The following EIF4ENIF1 variants were observed in gnomAD, a reference collection of about 807,000 sequenced individuals.
EIF4ENIF1 encodes eukaryotic translation initiation factor 4E nuclear import factor 1, also known as eukaryotic translation initiation factor 4E transporter.
A neutral mutation model predicts 110.5 loss-of-function variants in EIF4ENIF1; 23 were observed. The ratio of observed to expected loss-of-function variants is 0.21; its 90% confidence interval spans 0.15 to 0.29. EIF4ENIF1 has a LOEUF of 0.29. Ranked by LOEUF, EIF4ENIF1 falls within the 10% of genes least tolerant of loss-of-function variation. The probability of loss-of-function intolerance (pLI) is 1.00; values close to 1 mark genes in which losing one functional copy is unlikely to be tolerated. For synonymous variants in EIF4ENIF1, 440 were observed against 437.0 expected (o/e 1.01, Z -0.09); for missense variants, 1,031 against 1,221.1 (o/e 0.84, Z 2.32).
chr22:31,445,180 C>T (rs752824960), intron 14 of EIF4ENIF1, among the ~76,000 whole-genome samples: 6 of 152,148 alleles, frequency 3.9e-5, no homozygotes, highest in Admixed American at 1.3e-4. Flanking sequence ...CAGTGAGGTG[C>T]GCTAGGGAGG....
intron 2 of EIF4ENIF1, among the ~76,000 whole-genome samples, chr22:31,472,563 C>T (rs905278347): frequency 3.3e-5 from 5 of 152,008 alleles, no homozygotes; most frequent in Non-Finnish European, 5.9e-5. Flanking sequence ...GCAACCGGGC[C>T]GGGGGGCGAT....
upstream of EIF4ENIF1, among the ~76,000 whole-genome samples, chr22:31,490,104 G>A (rs567534115): frequency 1.3e-5 from 2 of 152,304 alleles, no homozygotes; most frequent in South Asian, 4.1e-4. Flanking sequence ...GGCGGTCGCC[G>A]TGGGCAGCCC....
Position 31,449,393 on chromosome 22 carries a change from C to T in EIF4ENIF1, c.1723G>A (p.Ala575Thr), listed in dbSNP as rs1421175021. 1 of 1,614,116 alleles carries T rather than the reference C, an allele frequency of 6.2e-7. No homozygotes were observed. Among genetic ancestry groups the T allele is most frequent in the Non-Finnish European group, 8.5e-7 (1 of 1,180,010 alleles). ...GGGCGAAGGTAGTCAGCTGAGGCTG[C>T]TCGAGTTTGAAACACCTGTGACAAG... ...PPLSQVFQTR[A>T]ASADYLRPRI... Residue 575 changes from alanine to threonine, a missense_variant, in exon 12 of 19, where the codon GCA becomes ACA. Around this residue, in one of 3 missense-constraint regions of EIF4ENIF1, gnomAD observed 704 missense variants for 879.7 expected, o/e 0.80. Transcript: ENST00000330125.
At position 31,463,798 on chromosome 22, in the gene EIF4ENIF1, G is replaced by T. The variant is rs143072949; in HGVS notation, c.468C>A (p.Gly156=). 1,932 of 1,613,880 alleles carry T rather than the reference G, an allele frequency of 1.2e-3. 23 individuals are homozygous for T. The African/African-American group carries it at 0.019, about 15-fold the overall frequency. The change falls in exon 5 of 19, where the codon GGC becomes GGA. Residue 156 remains glycine (G), a synonymous_variant. Coordinates refer to ENST00000330125, the MANE Select transcript of EIF4ENIF1 (RefSeq NM_019843.4). ...GLRLLGGRRI[G]SGRIISARTF... ...TCCGGGCAGAGATTATCCTCCCACT[G>T]CCAATCCTACGTCCACCAAGCAGAC...
chr22:31,453,565 G>A (rs534712663), intron 10 of EIF4ENIF1, among the ~76,000 whole-genome samples: 1 of 151,918 alleles, frequency 6.6e-6, no homozygotes, highest in East Asian at 1.9e-4. Flanking sequence ...TAGAGATGGC[G>A]TTTCACCATG....
intron 2 of EIF4ENIF1, among the ~76,000 whole-genome samples, chr22:31,475,721 TAAA>T (rs11089509): frequency 7.5e-6 from 1 of 133,864 alleles, no homozygotes; most frequent in Non-Finnish European, 1.6e-5. Context: ...AGACTCCGTT[TAAA>T]AAAAAAAAAA....
intron 9 of EIF4ENIF1, among the ~76,000 whole-genome samples, chr22:31,454,722 T>C (rs1047354457): frequency 6.6e-6 from 1 of 152,156 alleles, no homozygotes; most frequent in Admixed American, 6.5e-5. Context: ...TAGCCCAACA[T>C]TGCCAAGATT....
At chr22:31,438,663 T>C (rs1277269891), downstream of EIF4ENIF1, among the ~76,000 whole-genome samples, 1 of 152,020 alleles carries the variant, frequency 6.6e-6, no homozygotes, top group African/African-American at 2.4e-5. Flanking sequence ...CCTGTTGGGG[T>C]CTTTAAAGCT....
In EIF4ENIF1 at chr22:31,440,095, G is replaced by A. The variant is rs572102616; in HGVS notation, c.2743C>T (p.His915Tyr). 6 of 1,614,168 alleles carry A rather than the reference G, an allele frequency of 3.7e-6. No individual in the cohort carries two copies. Among genetic ancestry groups the A allele is most frequent in the African/African-American group, 1.3e-5 (1 of 75,048 alleles). Residue 915 changes from histidine to tyrosine, a missense_variant, in exon 19 of 19, where the codon CAT becomes TAT. Transcript: ENST00000330125. ...SVLHPPGSGSHAAAVSVQTTP... is the reference protein window; with the variant it reads ...SVLHPPGSGSYAAAVSVQTTP... ...GTCTGAACGCTGACAGCTGCTGCAT[G>A]GGAACCAGAGCCTGGAGGATGCAGA...
At chr22:31,450,753 C>T (rs2050623662) in intron 10 of EIF4ENIF1, 1 of 265,718 alleles carries the variant, frequency 3.8e-6, no homozygotes, top group Non-Finnish European at 7.4e-6. Context: ...CATATATACA[C>T]ACATACATAT....
At chr22:31,472,413 C>T (rs2051412368) in intron 2 of EIF4ENIF1, among the ~76,000 whole-genome samples, 1 of 152,042 alleles carries the variant, frequency 6.6e-6, no homozygotes, top group Admixed American at 6.6e-5. Context: ...GAATTACAGG[C>T]ACACGCCACC....
intron 7 of EIF4ENIF1, 33 bp downstream of exon 7, chr22:31,458,442 C>A (rs1444936256): frequency 7.4e-7 from 1 of 1,349,162 alleles, no homozygotes; most frequent in Non-Finnish European, 9.6e-7. Flanking sequence ...TCAAATTTAA[C>A]CACACATTTT....
In EIF4ENIF1 at chr22:31,451,489, T is replaced by C. The variant is rs2050673536; in HGVS notation, c.1513-1129A>G. On this transcript the variant is annotated intron_variant, in intron 10 of 18. Coordinates refer to ENST00000330125, the MANE Select transcript of EIF4ENIF1 (RefSeq NM_019843.4). ...CGGGGTTTCACCATGTTGGCCAGGA[T>C]GGTCTCGATCTCCTGACCTCGTGAT... Among the ~76,000 whole-genome samples, 2 of 151,492 alleles carry C rather than the reference T, an allele frequency of 1.3e-5. 1 individual carries two copies. The highest frequency in any genetic ancestry group is 4.2e-4 in the South Asian group (2 of 4,780).
rs761626630 is a variant in EIF4ENIF1 at position 31,471,914 on chromosome 22, C to T, written c.100G>A (p.Glu34Lys). The T allele has an allele frequency of 1.0e-5, 16 of 1,595,322 alleles. No homozygotes were observed. Among genetic ancestry groups the T allele is most frequent in the Non-Finnish European group, 1.4e-5 (16 of 1,175,298 alleles). Residue 34 changes from glutamate (E) to lysine (K), a missense_variant, in exon 3 of 19, where the codon GAA (glutamate) becomes AAA (lysine). Glu to Lys is a moderately conservative substitution (Grantham distance 56, BLOSUM62 1). Transcript: ENST00000330125. ...SKCPHRYTKE[E>K]LLDIKELPHS... ...GGGAGTTCTTTTATATCCAAGAGTT[C>T]TTCCTAAAAAGAGAAGTCAAATAGT...
chr22:31,440,142 A>G, intron 18 of EIF4ENIF1, 21 bp from the exon 19 acceptor site: 2 of 1,614,076 alleles, frequency 1.2e-6, no homozygotes, highest in Non-Finnish European at 1.7e-6. Flanking sequence ...AAGAAGGGTT[A>G]TCATTCACAG....
At chr22:31,471,107 T>C (rs1403732549) in intron 3 of EIF4ENIF1, among the ~76,000 whole-genome samples, 2 of 151,942 alleles carry the variant, frequency 1.3e-5, no homozygotes, top group Admixed American at 6.6e-5. Flanking sequence ...TTTTTAGCTA[T>C]AGTCTTCCCA....
At chr22:31,466,877 T>G (rs1203051267) in intron 4 of EIF4ENIF1, among the ~76,000 whole-genome samples, 1 of 152,158 alleles carries the variant, frequency 6.6e-6, no homozygotes, top group East Asian at 1.9e-4. Flanking sequence ...ACCAGGAAAC[T>G]GAAGATTAGT....
intron 7 of EIF4ENIF1, among the ~76,000 whole-genome samples, chr22:31,457,269 CTA>C (rs2050859340): frequency 6.6e-6 from 1 of 152,156 alleles, no homozygotes; most frequent in Admixed American, 6.5e-5. Flanking sequence ...AAATAACACA[CTA>C]TGAACAATAA....
rs776913738 is a variant in EIF4ENIF1 at position 31,468,246 on chromosome 22, C to T, written c.227G>A (p.Arg76Gln). The change falls in exon 4 of 19, where the codon CGG (arginine) becomes CAG (glutamine). Residue 76 changes from arginine (R) to glutamine (Q), a missense_variant. Physicochemically the swap from Arg to Gln is conservative, Grantham distance 43 (BLOSUM62 1). Around this residue, in one of 3 missense-constraint regions of EIF4ENIF1, gnomAD observed 704 missense variants for 879.7 expected, o/e 0.80. Coordinates refer to ENST00000330125, the MANE Select transcript of EIF4ENIF1 (RefSeq NM_019843.4). ...CTTCAGACTTTCCACTGGTGAGCTC[C>T]GCCCTGAAGCTGGGTAGAGAGAGGC... is the stretch of plus-strand genomic sequence containing the variant. ...WHASLYPASGRSSPVESLKKE... is the reference protein window; with the variant it reads ...WHASLYPASGQSSPVESLKKE... 1.9e-6 allele frequency: 3 copies of T among 1,614,156 alleles called. No homozygotes were observed. The highest frequency in any genetic ancestry group is 2.2e-5 in the South Asian group (2 of 91,076).
Sources: allele counts gnomAD v4.1 joint callset (sites outside exome capture counted in the v4.1 genomes callset), GRCh38; gene constraint gnomAD v4.1.1; regional missense constraint gnomAD v4.1.1; transcripts MANE v1.5; gene names NCBI Gene and HGNC (gene_info 2026-07-23, HGNC 2026-07-21).